The following NMNAT1 variants were observed in gnomAD, a reference collection of about 807,000 sequenced individuals.
The protein encoded by NMNAT1 is nicotinamide/nicotinic acid mononucleotide adenylyltransferase 1.
NMNAT1 carries 11 observed loss-of-function variants against 16.7 expected under a neutral mutation model. The observed-to-expected ratio is 0.66, with a 90% CI of 0.41 to 1.09. The LOEUF (loss-of-function observed/expected upper bound fraction) is 1.09, where lower values mean the gene tolerates loss of function less well. NMNAT1 is among the 50% of genes least tolerant of loss of function. The pLI is 0.00. For missense variants in NMNAT1, 280 were observed against 332.3 expected (o/e 0.84, Z 1.22); for synonymous variants, 110 against 119.8 (o/e 0.92, Z 0.53).
chr1:9,981,296 A>G (rs1364120831), intron 4 of NMNAT1, 126 bp downstream of exon 4: 3 of 1,418,856 alleles, frequency 2.1e-6, no homozygotes, highest in Admixed American at 2.4e-5. Context: ...GTGCAGTGGC[A>G]TGATCTCAGC....
chr1:9,952,430 C>G (rs1023545939), intron 1 of NMNAT1: 1 of 152,138 alleles, frequency 6.6e-6, no homozygotes, highest in Non-Finnish European at 1.5e-5. Context: ...CTTCAGTGCC[C>G]GTGGCAATGG....
At position 9,983,104 on chromosome 1, in the gene NMNAT1, C is replaced by CA. The variant is rs35872889; in HGVS notation, c.*418dup. On this transcript the variant is annotated 3_prime_UTR_variant, in exon 5 of 5. Coordinates refer to ENST00000377205, the MANE Select transcript of NMNAT1 (RefSeq NM_022787.4). The stretch of plus-strand genomic sequence containing the variant: ...CTGGCGACAGAGCAAGACTCTGTCT[C>CA]AAAAAAAAAAAAAAATTTAGTAAAA... 22,050 of 127,316 alleles carry CA rather than the reference C, an allele frequency of 0.17. 2,125 individuals carry two copies. Among genetic ancestry groups the CA allele is most frequent in the African/African-American group, 0.32 (10,982 of 33,826 alleles). The allele number at this position is 127,316 out of a possible 1,614,324, so 7.9% of individuals were successfully genotyped here. A position where few individuals can be genotyped will look rare whatever the true frequency, so the allele number is the denominator to read the frequency against.
At chr1:9,981,392 GC>G in intron 4 of NMNAT1, 1 of 493,004 alleles carries the variant, frequency 2.0e-6, no homozygotes, top group South Asian at 2.4e-5. Flanking sequence ...CTGCCACCAC[GC>G]CTGTCTAATT....
intron 1 of NMNAT1, 58 bp from the exon 2 acceptor site, chr1:9,971,960 A>G: frequency 1.4e-6 from 1 of 695,288 alleles, no homozygotes; most frequent in Admixed American, 2.0e-5. Context: ...GCAGAGCAAG[A>G]CCTTATCTTA....
At chr1:9,946,289 A>G (rs986181609) in intron 1 of NMNAT1, among the ~76,000 whole-genome samples, 1 of 152,240 alleles carries the variant, frequency 6.6e-6, no homozygotes, top group Non-Finnish European at 1.5e-5. Flanking sequence ...AAAATAGAAT[A>G]CAAGCCTTCA....
At chr1:9,987,604 C>T (rs1360871110), downstream of NMNAT1, among the ~76,000 whole-genome samples, 4 of 151,974 alleles carry the variant, frequency 2.6e-5, no homozygotes, top group Admixed American at 1.3e-4. Context: ...TGTGCCACTG[C>T]ACTACAGCCT....
At chr1:9,962,061 C>A (rs1425743750) in intron 1 of NMNAT1, among the ~76,000 whole-genome samples, 18 of 151,990 alleles carry the variant, frequency 1.2e-4, no homozygotes, top group Non-Finnish European at 1.5e-4. Context: ...ACCTACCGCG[C>A]CCGGACCCCA....
At chr1:9,950,203 G>A (rs1193849743) in intron 1 of NMNAT1, among the ~76,000 whole-genome samples, 1 of 152,036 alleles carries the variant, frequency 6.6e-6, no homozygotes, top group African/African-American at 2.4e-5. Context: ...TGATTCTCCT[G>A]CCTCAGCCTC....
At chr1:9,965,434 C>T (rs931590279) in intron 1 of NMNAT1, among the ~76,000 whole-genome samples, 1 of 151,356 alleles carries the variant, frequency 6.6e-6, no homozygotes, top group African/African-American at 2.4e-5. Context: ...GACAGAGTCT[C>T]GCTCTGTCAC....
intron 1 of NMNAT1, among the ~76,000 whole-genome samples, chr1:9,963,884 A>G (rs1227686643): frequency 6.6e-6 from 1 of 151,764 alleles, no homozygotes; most frequent in Non-Finnish European, 1.5e-5. Flanking sequence ...ATGTGTATGA[A>G]TTTTATTTTA....
At chr1:9,977,176 G>A (rs1056431734) in intron 3 of NMNAT1, among the ~76,000 whole-genome samples, 2 of 152,180 alleles carry the variant, frequency 1.3e-5, no homozygotes, top group Non-Finnish European at 2.9e-5. Context: ...CCAAAGTGCG[G>A]GGATTACAGA....
chr1:9,961,443 G>A (rs1641404155), intron 1 of NMNAT1, among the ~76,000 whole-genome samples: 1 of 152,148 alleles, frequency 6.6e-6, no homozygotes, highest in African/African-American at 2.4e-5. Context: ...ATGCTCAGTG[G>A]CTGGTGGATA....
At chr1:9,950,700 A>T (rs1641087509) in intron 1 of NMNAT1, 1 of 152,302 alleles carries the variant, frequency 6.6e-6, no homozygotes, top group African/African-American at 2.4e-5. Flanking sequence ...TAACGTGAGA[A>T]GGATGGCTTT....
At chr1:9,978,852 C>A (rs1468463488) in intron 3 of NMNAT1, among the ~76,000 whole-genome samples, 2 of 152,172 alleles carry the variant, frequency 1.3e-5, no homozygotes, top group Admixed American at 1.3e-4. Flanking sequence ...ATACACAAAT[C>A]CTGCTTAGGG....
At chr1:9,981,926 C>T (rs1391262491) in intron 4 of NMNAT1, among the ~76,000 whole-genome samples, 1 of 151,838 alleles carries the variant, frequency 6.6e-6, no homozygotes, top group African/African-American at 2.4e-5. Context: ...TGCGATGGCA[C>T]AATCTCGGCT....
intron 4 of NMNAT1, 122 bp downstream of exon 4, chr1:9,981,292 T>G: frequency 2.8e-6 from 4 of 1,441,594 alleles, no homozygotes; most frequent in Non-Finnish European, 2.8e-6. Context: ...TGGAGTGCAG[T>G]GGCATGATCT....
intron 1 of NMNAT1, among the ~76,000 whole-genome samples, chr1:9,944,290 G>T (rs572589882): frequency 6.6e-6 from 1 of 152,116 alleles, no homozygotes; most frequent in Non-Finnish European, 1.5e-5. Context: ...CTTGGCTGTC[G>T]CGGTGTGACA....
At chr1:9,978,254 G>A (rs1641858303) in intron 3 of NMNAT1, among the ~76,000 whole-genome samples, 1 of 152,210 alleles carries the variant, frequency 6.6e-6, no homozygotes, top group East Asian at 1.9e-4. Context: ...TACTTGGGAG[G>A]CTGAGGTGGG....
intron 3 of NMNAT1, among the ~76,000 whole-genome samples, chr1:9,978,433 A>C (rs1475458365): frequency 6.6e-6 from 1 of 152,206 alleles, no homozygotes; most frequent in Non-Finnish European, 1.5e-5. Flanking sequence ...CAAATCTCTC[A>C]GGAGAGAATC....
Sources: gnomAD v4.1 joint callset for allele counts (sites outside exome capture counted in the v4.1 genomes callset) on GRCh38, gnomAD v4.1.1 for gene constraint, MANE v1.5 for transcripts, NCBI Gene and HGNC (gene_info 2026-07-23, HGNC 2026-07-21) for gene names.